Variants in NAA60 observed in about 807,000 individuals in gnomAD.
The protein encoded by NAA60 is N-alpha-acetyltransferase 60.
Under a neutral mutation model 26.1 loss-of-function variants are expected in NAA60, and 8 were observed. The ratio of observed to expected loss-of-function variants is 0.31; its 90% confidence interval spans 0.18 to 0.55. NAA60 has a LOEUF of 0.55. Among genes scored for constraint, NAA60 ranks in the 20% least tolerant of loss-of-function variants. NAA60 has a pLI of 0.93. For synonymous variants in NAA60, 131 were observed against 122.5 expected, an observed-to-expected ratio of 1.07 and a Z score of -0.46; for missense variants, 290 against 311.3, an observed-to-expected ratio of 0.93 and a Z score of 0.51.
intron 5 of NAA60, 46 bp downstream of exon 5, chr16:3,482,644 G>GGCCCC: frequency 2.6e-6 from 3 of 1,161,046 alleles, no homozygotes; most frequent in Admixed American, 2.9e-5. Flanking sequence ...CCACCCCCTT[G>GGCCCC]CCCTACCCCA....
At chr16:3,459,350 GA>G (rs1189060869) in intron 2 of NAA60, among the ~76,000 whole-genome samples, 1 of 152,252 alleles carries the variant, frequency 6.6e-6, no homozygotes, top group Non-Finnish European at 1.5e-5. Flanking sequence ...CAGGCAGGGA[GA>G]GGGGGAGTCT....
chr16:3,483,714 G>A, intron 6 of NAA60, 117 bp downstream of exon 6: 1 of 767,642 alleles, frequency 1.3e-6, no homozygotes, highest in Non-Finnish European at 2.2e-6. Flanking sequence ...CCAAGCTTAT[G>A]GATGCTTCTC....
intron 2 of NAA60, among the ~76,000 whole-genome samples, chr16:3,470,347 A>G (rs1000201595): frequency 1.3e-5 from 2 of 152,152 alleles, no homozygotes; most frequent in African/African-American, 4.8e-5. Context: ...GGTGCCTGGA[A>G]TGGAACTCGC....
intron 2 of NAA60, among the ~76,000 whole-genome samples, chr16:3,452,445 A>G (rs554750814): frequency 6.6e-6 from 1 of 152,110 alleles, no homozygotes; most frequent in Non-Finnish European, 1.5e-5. Flanking sequence ...GCCTGAGCTC[A>G]GGCATTCAAG....
At chr16:3,469,704 C>G (rs117493723) in intron 2 of NAA60, among the ~76,000 whole-genome samples, 14 of 152,094 alleles carry the variant, frequency 9.2e-5, no homozygotes. Flanking sequence ...CTTGCTGCTC[C>G]CTGTTATCAG....
chr16:3,468,788 G>A (rs969994319), intron 2 of NAA60, among the ~76,000 whole-genome samples: 3 of 152,178 alleles, frequency 2.0e-5, no homozygotes, highest in Non-Finnish European at 4.4e-5. Context: ...AAAAATTCAA[G>A]GGAGTGGCCG....
At chr16:3,453,642 A>G (rs547889827) in intron 2 of NAA60, among the ~76,000 whole-genome samples, 134 of 152,158 alleles carry the variant, frequency 8.8e-4, no homozygotes, top group African/African-American at 3.1e-3. Flanking sequence ...TCCCAACCTC[A>G]GGTGATCTGC....
Position 3,461,490 on chromosome 16 carries a change from A to G in NAA60, c.-7+12950A>G, listed in dbSNP as rs145092567. ...AGCTCAGACGGGATTCCCCATCTCT[A>G]TCTCAGCCAGGGAGAAGCCATCGCG... is the stretch of plus-strand genomic sequence containing the variant. On this transcript the variant is annotated intron_variant, in intron 2 of 7. Transcript: ENST00000407558. 2.5e-3 allele frequency among the ~76,000 whole-genome samples: 374 copies of G among 152,322 alleles called. 2 individuals carry two copies. The highest frequency in any genetic ancestry group is 4.6e-3 in the Non-Finnish European group (313 of 68,032).
intron 6 of NAA60, 160 bp from the exon 7 acceptor site, chr16:3,484,539 T>G (rs2037052651): frequency 1.1e-5 from 10 of 949,642 alleles, no homozygotes; most frequent in Non-Finnish European, 1.5e-5. Context: ...CTTCGTCTCA[T>G]GAGCCTTTCC....
chr16:3,485,042 A>C lies in NAA60; in HGVS notation c.*187A>C. 4 of 1,484,232 alleles carry C rather than the reference A, an allele frequency of 2.7e-6. No individual in the cohort carries two copies. Among genetic ancestry groups the C allele is most frequent in the Non-Finnish European group, 3.6e-6 (4 of 1,102,404 alleles). The allele number at this position is 1,484,232 out of a possible 1,614,324, so 91.9% of individuals were successfully genotyped here. On this transcript the variant is annotated 3_prime_UTR_variant, in exon 7 of 8. Transcript: ENST00000407558. ...AACAGAACATCGTGGGCATGCGCAG[A>C]GCATGCCCATCCGTGGCAGGTACGC...
intron 2 of NAA60, among the ~76,000 whole-genome samples, chr16:3,455,009 A>G (rs1389944781): frequency 6.6e-6 from 1 of 152,204 alleles, no homozygotes; most frequent in Non-Finnish European, 1.5e-5. Flanking sequence ...AATGCCTCAC[A>G]CATAAGCCGT....
chr16:3,480,363 G>A (rs1361864588), intron 4 of NAA60, among the ~76,000 whole-genome samples: 6 of 152,122 alleles, frequency 3.9e-5, no homozygotes, highest in South Asian at 2.1e-4. Flanking sequence ...TTGGGAGGCC[G>A]AGGCGGGCAG....
chr16:3,458,568 T>A (rs2035153844), intron 2 of NAA60, among the ~76,000 whole-genome samples: 1 of 152,184 alleles, frequency 6.6e-6, no homozygotes, highest in Non-Finnish European at 1.5e-5. Flanking sequence ...CCAGGCCATT[T>A]CCGTCGGGTC....
chr16:3,457,756 G>A (rs1044925500), intron 2 of NAA60, among the ~76,000 whole-genome samples: 23 of 152,186 alleles, frequency 1.5e-4, no homozygotes, highest in Admixed American at 2.0e-4. Context: ...CCCGGAAACC[G>A]CGCCACCGGC....
At chr16:3,463,019 C>A (rs960992689) in intron 2 of NAA60, among the ~76,000 whole-genome samples, 28 of 152,148 alleles carry the variant, frequency 1.8e-4, no homozygotes, top group Admixed American at 1.8e-3. Context: ...TGCTTGGCCT[C>A]CCTTGTCCAC....
At chr16:3,464,650 G>T (rs2035624444) in intron 2 of NAA60, among the ~76,000 whole-genome samples, 1 of 152,192 alleles carries the variant, frequency 6.6e-6, no homozygotes, top group Admixed American at 6.5e-5. Context: ...CAAGAATGCT[G>T]TTCAAGTAAA....
chr16:3,443,828 GT>G lies in NAA60; in HGVS notation c.-85del. The stretch of plus-strand genomic sequence containing the variant: ...GACACCGGAACTCGAAAGAAAATCG[GT>G]AACAAAATGTGGGTTCGGCCAACAG... On this transcript the variant is annotated 5_prime_UTR_variant, in exon 1 of 8. An upstream open reading frame in the 5' UTR loses its in-frame stop. Coordinates refer to ENST00000407558, the MANE Select transcript of NAA60 (RefSeq NM_001083601.3). The G allele has an allele frequency of 6.5e-7, 1 of 1,534,434 alleles. No individual in the cohort carries two copies. Among genetic ancestry groups the G allele is most frequent in the African/African-American group, 1.4e-5 (1 of 73,066 alleles).
chr16:3,477,828 G>A (rs1435237384), intron 3 of NAA60, among the ~76,000 whole-genome samples: 3 of 152,222 alleles, frequency 2.0e-5, no homozygotes, highest in Non-Finnish European at 2.9e-5. Flanking sequence ...CACTTTGGGA[G>A]GCCGAGGCGG....
chr16:3,464,982 AAG>A (rs1157718990), intron 2 of NAA60, among the ~76,000 whole-genome samples: 1 of 152,152 alleles, frequency 6.6e-6, no homozygotes, highest in Non-Finnish European at 1.5e-5. Context: ...ATTTCAGAAA[AAG>A]GGGCCGGGTG....
Sources: gnomAD v4.1 joint callset for allele counts (sites outside exome capture counted in the v4.1 genomes callset) on GRCh38, gnomAD v4.1.1 for gene constraint, MANE v1.5 for transcripts, NCBI Gene and HGNC (gene_info 2026-07-23, HGNC 2026-07-21) for gene names.